BICC1: variants seen among roughly 807,000 people sequenced by gnomAD.
BICC1 encodes protein bicaudal C homolog 1.
Under a neutral mutation model 111.0 loss-of-function variants are expected in BICC1, and 43 were observed. The observed-to-expected ratio is 0.39, with a 90% CI of 0.30 to 0.50. BICC1 has a LOEUF of 0.50. Among genes scored for constraint, BICC1 ranks in the 20% least tolerant of loss-of-function variants. The pLI is 0.88. For synonymous variants in BICC1, 467 were observed against 434.4 expected, an observed-to-expected ratio of 1.07 and a Z score of -0.93; for missense variants, 1,091 against 1,203.2, an observed-to-expected ratio of 0.91 and a Z score of 1.38.
chr10:58,802,471 A>G (rs1396936941), intron 14 of BICC1, among the ~76,000 whole-genome samples: 1 of 152,206 alleles, frequency 6.6e-6, no homozygotes, highest in Non-Finnish European at 1.5e-5. Context: ...TGCATTCTGT[A>G]CATATCATGT....
intron 3 of BICC1, among the ~76,000 whole-genome samples, chr10:58,758,021 T>G (rs996162950): frequency 1.2e-4 from 19 of 152,150 alleles, no homozygotes; most frequent in Admixed American, 9.2e-4. Flanking sequence ...GCATAAGACA[T>G]AACATACTGA....
At chr10:58,537,356 A>AC (rs1842851496) in intron 1 of BICC1, among the ~76,000 whole-genome samples, 1 of 119,220 alleles carries the variant, frequency 8.4e-6, no homozygotes, top group Admixed American at 1.1e-4. Context: ...ACAAAAAAAA[A>AC]AATCATGATG....
At chr10:58,718,917 A>G (rs1840849387) in intron 3 of BICC1, among the ~76,000 whole-genome samples, 1 of 152,156 alleles carries the variant, frequency 6.6e-6, no homozygotes, top group Non-Finnish European at 1.5e-5. Flanking sequence ...ATGATACAAT[A>G]AGTTGTTTGG....
chr10:58,740,318 C>T (rs986036390), intron 3 of BICC1, among the ~76,000 whole-genome samples: 7 of 152,210 alleles, frequency 4.6e-5, no homozygotes, highest in African/African-American at 1.2e-4. Context: ...AAAGAAAAGA[C>T]GATTATAATT....
chr10:58,529,991 T>C (rs1842638838), intron 1 of BICC1, among the ~76,000 whole-genome samples: 1 of 151,694 alleles, frequency 6.6e-6, no homozygotes, highest in Non-Finnish European at 1.5e-5. Context: ...CATTTGGGAC[T>C]AGTGAGGCCA....
At chr10:58,574,733 A>G (rs576471290) in intron 1 of BICC1, among the ~76,000 whole-genome samples, 1 of 152,316 alleles carries the variant, frequency 6.6e-6, no homozygotes, top group Admixed American at 6.5e-5. Flanking sequence ...AAAATAACAT[A>G]AAACTTACTG....
chr10:58,814,141 G>T, intron 18 of BICC1, 155 bp downstream of exon 18: 1 of 850,604 alleles, frequency 1.2e-6, no homozygotes, highest in South Asian at 1.5e-5. Flanking sequence ...TTCTCCCAGT[G>T]AAGCAGGCCA....
At chr10:58,555,039 G>A (rs1210889176) in intron 1 of BICC1, among the ~76,000 whole-genome samples, 2 of 151,878 alleles carry the variant, frequency 1.3e-5, no homozygotes, top group Admixed American at 1.3e-4. Flanking sequence ...ATACCTTAGT[G>A]TCTTTCTTTA....
intron 10 of BICC1, among the ~76,000 whole-genome samples, chr10:58,797,926 A>G (rs893438531): frequency 6.6e-6 from 1 of 152,228 alleles, no homozygotes; most frequent in Non-Finnish European, 1.5e-5. Context: ...CTGTTCTGGT[A>G]GCCTACCCTA....
At chr10:58,544,898 ATTC>A (rs1843096483) in intron 1 of BICC1, among the ~76,000 whole-genome samples, 1 of 152,096 alleles carries the variant, frequency 6.6e-6, no homozygotes, top group Non-Finnish European at 1.5e-5. Flanking sequence ...TATGACTGGT[ATTC>A]TTATTAACAA....
At chr10:58,726,376 G>T (rs756588590) in intron 3 of BICC1, among the ~76,000 whole-genome samples, 3 of 152,022 alleles carry the variant, frequency 2.0e-5, no homozygotes, top group African/African-American at 7.2e-5. Context: ...GATGAGCATC[G>T]CATCTCAAAG....
chr10:58,645,550 C>A (rs1350122410), intron 2 of BICC1, among the ~76,000 whole-genome samples: 1 of 151,654 alleles, frequency 6.6e-6, no homozygotes, highest in Non-Finnish European at 1.5e-5. Context: ...TCAACAAACA[C>A]AAAAGACATT....
chr10:58,626,574 A>G (rs531964997), intron 2 of BICC1, among the ~76,000 whole-genome samples: 5 of 152,330 alleles, frequency 3.3e-5, no homozygotes, highest in East Asian at 1.9e-4. Flanking sequence ...TTTGCTCATC[A>G]TTCTCCTAGT....
At chr10:58,826,739 A>G (rs561689557) in intron 20 of BICC1, among the ~76,000 whole-genome samples, 1 of 152,332 alleles carries the variant, frequency 6.6e-6, no homozygotes, top group South Asian at 2.1e-4. Flanking sequence ...AGCCTGGGCT[A>G]TAGAGCGAGA....
intron 18 of BICC1, among the ~76,000 whole-genome samples, chr10:58,816,906 A>G (rs1844112334): frequency 6.6e-6 from 1 of 152,090 alleles, no homozygotes; most frequent in Admixed American, 6.6e-5. Flanking sequence ...TGCAGAACCA[A>G]GGAAAAGTTC....
At chr10:58,528,549 T>A (rs1474798062) in intron 1 of BICC1, among the ~76,000 whole-genome samples, 2 of 151,908 alleles carry the variant, frequency 1.3e-5, no homozygotes, top group Admixed American at 6.6e-5. Context: ...TAAGAGATAA[T>A]CCATTCTCAA....
intron 3 of BICC1, among the ~76,000 whole-genome samples, chr10:58,779,579 T>TATACAGAAATACA (rs1842831917): frequency 2.0e-5 from 3 of 152,206 alleles, no homozygotes; most frequent in Non-Finnish European, 2.9e-5. Flanking sequence ...CAAAGAAATT[T>TATACAGAAATACA]GCATTTATAC....
intron 2 of BICC1, among the ~76,000 whole-genome samples, chr10:58,678,374 A>G (rs1230171439): frequency 6.6e-6 from 1 of 152,022 alleles, no homozygotes; most frequent in Non-Finnish European, 1.5e-5. Context: ...AATGGAAAGC[A>G]AAAAAAAGCA....
chr10:58,701,160 C>T (rs1840222362), intron 2 of BICC1, among the ~76,000 whole-genome samples: 2 of 152,118 alleles, frequency 1.3e-5, no homozygotes, highest in South Asian at 4.2e-4. Context: ...AATGAACTCT[C>T]AATCCATATT....
Sources: allele counts gnomAD v4.1 joint callset (sites outside exome capture counted in the v4.1 genomes callset), GRCh38; gene constraint gnomAD v4.1.1; transcripts MANE v1.5; gene names NCBI Gene and HGNC (gene_info 2026-07-23, HGNC 2026-07-21).